The following ANKS1B variants were observed in gnomAD, a reference collection of about 807,000 sequenced individuals.
The protein encoded by ANKS1B is ankyrin repeat and sterile alpha motif domain containing 1B, also known as ankyrin repeat and sterile alpha motif domain-containing protein 1B.
In ANKS1B, 36 loss-of-function variants were observed where a neutral mutation model predicts 148.3. The ratio of observed to expected loss-of-function variants is 0.24; its 90% CI spans 0.19 to 0.32. The LOEUF is 0.32. Ranked by LOEUF, ANKS1B falls within the 10% of genes least tolerant of loss-of-function variation. The pLI is 1.00. For synonymous variants in ANKS1B, 542 were observed against 560.8 expected (o/e 0.97, Z 0.47); for missense variants, 1,157 against 1,542.6 (o/e 0.75, Z 4.19).
intron 10 of ANKS1B, among the ~76,000 whole-genome samples, chr12:99,498,162 T>C (rs1461662697): frequency 6.6e-6 from 1 of 152,170 alleles, no homozygotes; most frequent in African/African-American, 2.4e-5. Context: ...TGCACTGATT[T>C]GCTAATGAAT....
chr12:98,891,463 C>T (rs1206770118), intron 17 of ANKS1B, among the ~76,000 whole-genome samples: 2 of 151,658 alleles, frequency 1.3e-5, no homozygotes, highest in African/African-American at 4.8e-5. Flanking sequence ...ATCAGATGAA[C>T]AGGAATGGTT....
At chr12:99,928,770 C>T (rs1261735270) in intron 1 of ANKS1B, among the ~76,000 whole-genome samples, 1 of 152,164 alleles carries the variant, frequency 6.6e-6, no homozygotes, top group Non-Finnish European at 1.5e-5. Context: ...AGAACTTAGT[C>T]ACAAAGGGTA....
chr12:98,886,606 C>T (rs77088482), intron 17 of ANKS1B, among the ~76,000 whole-genome samples: 15,292 of 152,192 alleles, frequency 0.1, 893 homozygotes, highest in Middle Eastern at 0.16. Context: ...CTAAATAACA[C>T]ATCATATTGT....
intron 12 of ANKS1B, among the ~76,000 whole-genome samples, chr12:99,330,178 A>C (rs1173798938): frequency 6.6e-6 from 1 of 151,994 alleles, no homozygotes; most frequent in Non-Finnish European, 1.5e-5. Flanking sequence ...ACTAGGGTAA[A>C]GCCTGTGGTA....
rs1339573554 is a variant in ANKS1B at position 99,322,613 on chromosome 12, T to C, written c.1757-75749A>G. Among the ~76,000 whole-genome samples, 5 of 152,172 alleles carry C rather than the reference T, an allele frequency of 3.3e-5. No homozygotes were observed. In the South Asian group the frequency reaches 8.3e-4, roughly 25 times the overall value. On this transcript the variant is annotated intron_variant, in intron 12 of 26. Transcript: ENST00000683438. The stretch of plus-strand genomic sequence containing the variant: ...GCCTGCATCTACTTTTACCACTGAA[T>C]ACCTCGCTATTCCATGCTATGAGAA...
At chr12:98,867,811 G>A (rs1167201097) in intron 17 of ANKS1B, among the ~76,000 whole-genome samples, 2 of 150,924 alleles carry the variant, frequency 1.3e-5, no homozygotes, top group South Asian at 2.1e-4. Context: ...GCAGTGAGCC[G>A]AGATCGCACC....
Position 99,723,552 on chromosome 12 carries a change from G to GCCTTT in ANKS1B, c.1128+49365_1128+49369dup, listed in dbSNP as rs564046406. On this transcript the variant is annotated intron_variant, in intron 8 of 26. Coordinates refer to ENST00000683438, the MANE Select transcript of ANKS1B (RefSeq NM_001352186.2). ...CAGTCTCTGAGGACCAGCAGACTTA[G>GCCTTT]CCTTTCCTCCTGCTAGTTCTGAGAA... Among the ~76,000 whole-genome samples the GCCTTT allele has an allele frequency of 6.6e-5, 10 of 152,296 alleles. No homozygotes were observed. In the South Asian group the frequency reaches 2.1e-3, roughly 32 times the overall value.
At chr12:99,786,746 C>A (rs959157111) in intron 4 of ANKS1B, among the ~76,000 whole-genome samples, 1 of 152,090 alleles carries the variant, frequency 6.6e-6, no homozygotes, top group East Asian at 1.9e-4. Context: ...AGATATAAAT[C>A]CCCTCTGTAA....
At position 99,825,027 on chromosome 12, in the gene ANKS1B, C is replaced by CA. The variant is rs770041089; in HGVS notation, c.215+281dup. On this transcript the variant is annotated intron_variant, in intron 2 of 26. Transcript: ENST00000683438. ...AGTGGTTTTATCCCATTCTCTCCCC[C>CA]AAAGATACACATGACTAGCATGGTC... is the stretch of plus-strand genomic sequence containing the variant. Among the ~76,000 whole-genome samples the CA allele has an allele frequency of 5.3e-5, 8 of 152,224 alleles. No homozygotes were observed. In the East Asian group the frequency reaches 1.4e-3, roughly 26 times the overall value.
chr12:99,327,404 A>T (rs1437008488), intron 12 of ANKS1B, among the ~76,000 whole-genome samples: 1 of 124,054 alleles, frequency 8.1e-6, no homozygotes, highest in African/African-American at 2.9e-5. Context: ...ATTACATATT[A>T]TATATAATTA....
At chr12:99,883,617 A>AGGGG (rs1565922619) in intron 1 of ANKS1B, among the ~76,000 whole-genome samples, 19 of 143,970 alleles carry the variant, frequency 1.3e-4, no homozygotes, top group African/African-American at 4.6e-4. Flanking sequence ...GACTTGGGGC[A>AGGGG]GGGGGGAATC....
At chr12:99,027,931 C>T (rs547159188) in intron 17 of ANKS1B, among the ~76,000 whole-genome samples, 1 of 152,144 alleles carries the variant, frequency 6.6e-6, no homozygotes, top group Non-Finnish European at 1.5e-5. Context: ...CATAGCTACT[C>T]TAGAGAATGC....
chr12:98,969,955 T>C (rs1389148169), intron 17 of ANKS1B, among the ~76,000 whole-genome samples: 2 of 152,198 alleles, frequency 1.3e-5, no homozygotes, highest in Admixed American at 1.3e-4. Context: ...GACACATAAG[T>C]AGAGATTTGA....
intron 12 of ANKS1B, among the ~76,000 whole-genome samples, chr12:99,373,509 C>T (rs762024819): frequency 3.9e-5 from 6 of 152,086 alleles, no homozygotes; most frequent in Non-Finnish European, 7.4e-5. Context: ...TGGTCCAATA[C>T]AGGCAAGTCA....
At chr12:99,892,772 G>A (rs904099825) in intron 1 of ANKS1B, among the ~76,000 whole-genome samples, 1 of 152,206 alleles carries the variant, frequency 6.6e-6, no homozygotes, top group African/African-American at 2.4e-5. Flanking sequence ...GTCAAAGAGA[G>A]GTTCTCTGCG....
At chr12:98,755,681 AT>A (rs2098222385) in intron 25 of ANKS1B, among the ~76,000 whole-genome samples, 2 of 152,184 alleles carry the variant, frequency 1.3e-5, no homozygotes, top group Admixed American at 1.3e-4. Flanking sequence ...TATTATCCTC[AT>A]TTTATAGATG....
chr12:99,535,180 A>AGAAG (rs2097053513), intron 9 of ANKS1B, among the ~76,000 whole-genome samples: 1 of 152,236 alleles, frequency 6.6e-6, no homozygotes, highest in Non-Finnish European at 1.5e-5. Flanking sequence ...AGACAAAATA[A>AGAAG]GAATTAGTCA....
At chr12:99,552,540 A>G (rs1485408606) in intron 9 of ANKS1B, among the ~76,000 whole-genome samples, 1 of 152,268 alleles carries the variant, frequency 6.6e-6, no homozygotes, top group Non-Finnish European at 1.5e-5. Flanking sequence ...TCAAATGAAC[A>G]TGGCATCCTG....
At chr12:99,955,652 C>T (rs1021061600) in intron 1 of ANKS1B, among the ~76,000 whole-genome samples, 7 of 151,848 alleles carry the variant, frequency 4.6e-5, no homozygotes, top group African/African-American at 1.7e-4. Flanking sequence ...TATATGGTTG[C>T]TGGAGGAAAA....
Sources: gnomAD v4.1 joint callset for allele counts (sites outside exome capture counted in the v4.1 genomes callset) on GRCh38, gnomAD v4.1.1 for gene constraint, MANE v1.5 for transcripts, NCBI Gene and HGNC (gene_info 2026-07-23, HGNC 2026-07-21) for gene names.